Variants in ZDHHC21 observed in about 807,000 individuals in gnomAD.
The protein encoded by ZDHHC21 is palmitoyltransferase ZDHHC21.
Under a neutral mutation model 34.6 loss-of-function variants are expected in ZDHHC21, and 15 were observed. The ratio of observed to expected loss-of-function variants is 0.43; its 90% CI spans 0.29 to 0.67. The LOEUF (loss-of-function observed/expected upper bound fraction) is 0.67, where lower values mean the gene tolerates loss of function less well. ZDHHC21 is among the 30% of genes least tolerant of loss of function. The probability of loss-of-function intolerance (pLI) is 0.14; values close to 1 mark genes in which losing one functional copy is unlikely to be tolerated. For synonymous variants in ZDHHC21, 142 were observed against 101.8 expected (o/e 1.40, Z -2.38); for missense variants, 344 against 327.7 (o/e 1.05, Z -0.38).
At chr9:14,680,253 G>C (rs41265298) in intron 2 of ZDHHC21, 91 bp from the exon 3 acceptor site, 1 of 152,002 alleles carries the variant, frequency 6.6e-6, no homozygotes, top group Non-Finnish European at 1.5e-5. Context: ...AATGACAAAC[G>C]TCTTAAATTT....
intron 3 of ZDHHC21, among the ~76,000 whole-genome samples, chr9:14,676,821 T>C (rs1401543326): frequency 6.6e-6 from 1 of 152,058 alleles, no homozygotes; most frequent in Admixed American, 6.6e-5. Context: ...GTTAATTTTT[T>C]AGTCTTGCCA....
At chr9:14,664,033 G>T (rs201295751) in intron 5 of ZDHHC21, among the ~76,000 whole-genome samples, 1 of 152,114 alleles carries the variant, frequency 6.6e-6, no homozygotes, top group Non-Finnish European at 1.5e-5. Context: ...GAACAGCTCC[G>T]GTCTACAGCT....
chr9:14,661,106 C>T (rs1833310541), intron 6 of ZDHHC21, among the ~76,000 whole-genome samples: 2 of 152,100 alleles, frequency 1.3e-5, no homozygotes, highest in Admixed American at 1.3e-4. Context: ...ATGTCATACA[C>T]TACTCTATCT....
chr9:14,638,431 T>G (rs1358184513), intron 8 of ZDHHC21, among the ~76,000 whole-genome samples: 1 of 151,992 alleles, frequency 6.6e-6, no homozygotes, highest in Non-Finnish European at 1.5e-5. Context: ...AACCTACAAC[T>G]GTGAAACTAC....
the ZDHHC21 span, chr9:14,589,838 T>A: frequency 6.6e-6 from 1 of 152,138 alleles, no homozygotes; most frequent in Admixed American, 6.5e-5. Flanking sequence ...CAAAACGAAG[T>A]CCAATACTTT....
chr9:14,610,678 T>G (rs970021381), downstream of ZDHHC21, among the ~76,000 whole-genome samples: 2 of 151,954 alleles, frequency 1.3e-5, no homozygotes, highest in African/African-American at 4.8e-5. Flanking sequence ...AGATCTAAAA[T>G]AGTGCCTAGG....
intron 8 of ZDHHC21, among the ~76,000 whole-genome samples, chr9:14,631,451 C>A (rs1376988721): frequency 6.6e-6 from 1 of 152,258 alleles, no homozygotes; most frequent in Non-Finnish European, 1.5e-5. Flanking sequence ...AAAATTTCTC[C>A]ATATCAACAA....
At chr9:14,650,701 G>A (rs938744194) in intron 7 of ZDHHC21, among the ~76,000 whole-genome samples, 9 of 151,928 alleles carry the variant, frequency 5.9e-5, no homozygotes, top group African/African-American at 2.2e-4. Context: ...AAATAATTCT[G>A]TAGGAACAGT....
At chr9:14,634,387 A>G (rs954343469) in intron 8 of ZDHHC21, among the ~76,000 whole-genome samples, 6 of 152,306 alleles carry the variant, frequency 3.9e-5, no homozygotes, top group African/African-American at 1.4e-4. Context: ...AGCCACGTGG[A>G]GGCCCAAGAA....
chr9:14,604,409 A>T, the ZDHHC21 span, among the ~76,000 whole-genome samples: 1 of 152,230 alleles, frequency 6.6e-6, no homozygotes, highest in Admixed American at 6.5e-5. Flanking sequence ...TAAAATTTAC[A>T]TAAATGTAAA....
rs1408697257 is a variant in ZDHHC21 at position 14,617,339 on chromosome 9, T to C, written c.*1627A>G. 1 of 152,022 alleles carries C rather than the reference T, an allele frequency of 6.6e-6. No homozygotes were observed. The highest frequency in any genetic ancestry group is 1.5e-5 in the Non-Finnish European group (1 of 67,930). 9.4% of individuals were successfully genotyped at this position (152,022 alleles called of 1,614,324 possible). On this transcript the variant is annotated 3_prime_UTR_variant, in exon 10 of 10. Coordinates refer to ENST00000380916, the MANE Select transcript of ZDHHC21 (RefSeq NM_178566.6). ...GTTTGTAAGTAATAAAGTATTCTAATTAGAACATGAAAAACATGATATTAA... is the reference window on the plus strand; with the variant it reads ...GTTTGTAAGTAATAAAGTATTCTAACTAGAACATGAAAAACATGATATTAA...
At chr9:14,603,671 T>C in the ZDHHC21 span, among the ~76,000 whole-genome samples, 14 of 152,276 alleles carry the variant, frequency 9.2e-5, no homozygotes, top group South Asian at 2.1e-4. Flanking sequence ...AAATAAAATA[T>C]GAAAATAAGA....
intron 9 of ZDHHC21, among the ~76,000 whole-genome samples, chr9:14,619,381 G>C (rs576226564): frequency 3.0e-4 from 46 of 152,206 alleles, no homozygotes; most frequent in African/African-American, 1.1e-3. Flanking sequence ...AATCTCTTTT[G>C]ATGTACTTTC....
intron 2 of ZDHHC21, among the ~76,000 whole-genome samples, chr9:14,686,747 A>T (rs1197788391): frequency 0.015 from 2,273 of 147,446 alleles, 102 homozygotes; most frequent in African/African-American, 0.059. Flanking sequence ...CCGAGGTGGG[A>T]GGATCACTTG....
chr9:14,620,204 A>C (rs928428427), intron 8 of ZDHHC21, among the ~76,000 whole-genome samples: 1 of 152,020 alleles, frequency 6.6e-6, no homozygotes, highest in African/African-American at 2.4e-5. Flanking sequence ...AACTGACCAG[A>C]GTTCTTTCTT....
chr9:14,608,119 C>T (rs1438731417), downstream of ZDHHC21, among the ~76,000 whole-genome samples: 76 of 152,124 alleles, frequency 5.0e-4, no homozygotes, highest in Admixed American at 5.0e-3. Flanking sequence ...AAAATATGAA[C>T]CTGTTTAACA....
At position 14,644,576 on chromosome 9, in the gene ZDHHC21, T is replaced by A. The variant is rs556823980; in HGVS notation, c.505-4564A>T. ...ATGAAAGTTCTCCTAAGTTCTAGTTTACTAAGAGTGTGTAACCTGAATGAA... is the reference window on the plus strand; with the variant it reads ...ATGAAAGTTCTCCTAAGTTCTAGTTAACTAAGAGTGTGTAACCTGAATGAA... On this transcript the variant is annotated intron_variant, in intron 7 of 9. Transcript: ENST00000380916. 3.9e-5 allele frequency among the ~76,000 whole-genome samples: 6 copies of A among 152,194 alleles called. No individual in the cohort carries two copies. In the South Asian group the frequency reaches 1.2e-3, roughly 31 times the overall value.
intron 3 of ZDHHC21, among the ~76,000 whole-genome samples, chr9:14,675,478 T>C (rs987093620): frequency 1.3e-5 from 2 of 151,846 alleles, no homozygotes; most frequent in African/African-American, 4.8e-5. Flanking sequence ...AACAATAAAA[T>C]GTTGTAAAAT....
At chr9:14,644,440 G>C (rs1829932734) in intron 7 of ZDHHC21, among the ~76,000 whole-genome samples, 1 of 151,884 alleles carries the variant, frequency 6.6e-6, no homozygotes, top group African/African-American at 2.4e-5. Flanking sequence ...TCAATGCCTT[G>C]TCTCCAACCT....
Sources: gnomAD v4.1 joint callset for allele counts (sites outside exome capture counted in the v4.1 genomes callset) on GRCh38, gnomAD v4.1.1 for gene constraint, MANE v1.5 for transcripts, NCBI Gene and HGNC (gene_info 2026-07-23, HGNC 2026-07-21) for gene names.